The following SHMT2 variants were observed in gnomAD, a reference collection of about 807,000 sequenced individuals.
SHMT2 encodes serine hydroxymethyltransferase 2, also known as serine hydroxymethyltransferase, mitochondrial.
Under a neutral mutation model 59.6 loss-of-function variants are expected in SHMT2, and 38 were observed. The ratio of observed to expected loss-of-function variants is 0.64; its 90% CI spans 0.49 to 0.84. The LOEUF is 0.84. Among genes scored for constraint, SHMT2 ranks in the 40% least tolerant of loss-of-function variants. SHMT2 has a pLI of 0.00. For synonymous variants in SHMT2, 254 were observed against 258.1 expected (o/e 0.98, Z 0.15); for missense variants, 533 against 659.5 (o/e 0.81, Z 2.10).
chr12:57,231,262 C>A, intron 2 of SHMT2: 1 of 626,590 alleles, frequency 1.6e-6, no homozygotes, highest in Non-Finnish European at 2.8e-6. Flanking sequence ...AGCCTAGAAG[C>A]ACAAGTTTGA....
chr12:57,234,429 TAGAAA>T lies in SHMT2; in HGVS notation c.*69_*73del. 1 of 1,490,698 alleles carries T rather than the reference TAGAAA, an allele frequency of 6.7e-7. No homozygotes were observed. The highest frequency in any genetic ancestry group is 8.9e-7 in the Non-Finnish European group (1 of 1,118,062). The allele number at this position is 1,490,698 out of a possible 1,614,324, so 92.3% of individuals were successfully genotyped here. ...CTTCCCCCTACCTGGGCCAGTGAAATAGAAAGCCTTTCTATTTTTTGGTGCGGGAG... is the reference window on the plus strand; with the variant it reads ...CTTCCCCCTACCTGGGCCAGTGAAATGCCTTTCTATTTTTTGGTGCGGGAG... On this transcript the variant is annotated 3_prime_UTR_variant, in exon 12 of 12. Transcript: ENST00000328923.
In SHMT2 at chr12:57,231,443, G is replaced by A. The variant is rs555694592; in HGVS notation, c.232-38G>A. On this transcript the variant is annotated intron_variant, in intron 2 of 11. Coordinates refer to ENST00000328923, the MANE Select transcript of SHMT2 (RefSeq NM_005412.6). ...GGGACTGTGGGAGTCCAGGGGAAGG[G>A]GCTCAATACCTTCTGACATTGCCCC... is the stretch of plus-strand genomic sequence containing the variant. 6 of 1,605,350 alleles carry A rather than the reference G, an allele frequency of 3.7e-6. No individual in the cohort carries two copies. The South Asian group carries it at 6.7e-5, about 18-fold the overall frequency.
chr12:57,231,943 TGGC>T (rs1479227183), intron 4 of SHMT2, 30 bp downstream of exon 4: 17 of 1,582,210 alleles, frequency 1.1e-5, no homozygotes, highest in Non-Finnish European at 1.5e-5. Flanking sequence ...CTGATGGTCT[TGGC>T]GGCAGGATTG....
intron 1 of SHMT2, 189 bp from the exon 2 acceptor site, chr12:57,230,614 C>T (rs2037273110): frequency 6.9e-7 from 1 of 1,438,862 alleles, no homozygotes; most frequent in Admixed American, 2.7e-5. Flanking sequence ...TCAGAACCAC[C>T]CCTTGGACGT....
intron 6 of SHMT2, 43 bp downstream of exon 6, chr12:57,232,618 G>A: frequency 6.2e-7 from 1 of 1,613,166 alleles, no homozygotes; most frequent in African/African-American, 1.3e-5. Context: ...CCCAGGGGGT[G>A]GTGAGGAGGT....
In SHMT2 at chr12:57,233,674, G is replaced by T; in HGVS notation, c.1123+12G>T. 1 of 1,613,652 alleles carries T rather than the reference G, an allele frequency of 6.2e-7. No individual in the cohort carries two copies. The highest frequency in any genetic ancestry group is 8.5e-7 in the Non-Finnish European group (1 of 1,179,648). ...CTCACTGGTATCAGGTAAGCCAGCA[G>T]GTGATGGGTGAGGGCCTCTGTAGCT... On this transcript the variant is annotated intron_variant, in intron 9 of 11. Transcript: ENST00000328923.
intron 3 of SHMT2, 68 bp from the exon 4 acceptor site, chr12:57,231,645 C>A: frequency 6.2e-7 from 1 of 1,611,564 alleles, no homozygotes; most frequent in Non-Finnish European, 8.5e-7. Flanking sequence ...GAGGAGTGAA[C>A]TTCCCAGTCC....
rs757010542 is a variant in SHMT2 at position 57,230,952 on chromosome 12, G to C, written c.183G>C (p.Gln61His). Residue 61 changes from glutamine to histidine, a missense_variant, in exon 2 of 12, where the codon CAG becomes CAC. By Grantham distance (24) the Gln-to-His change is conservative (BLOSUM62 0). Transcript: ENST00000328923. ...DSDPEMWELL[Q>H]REKDRQCRGL... Reference sequence around the variant, plus strand: ...ATCCTGAGATGTGGGAGTTGCTGCAGAGGGAGAAGGACAGGCAGTGTCGTG... The same window carrying C: ...ATCCTGAGATGTGGGAGTTGCTGCACAGGGAGAAGGACAGGCAGTGTCGTG... 4 of 1,613,960 alleles carry C rather than the reference G, an allele frequency of 2.5e-6. No homozygotes were observed. In the East Asian group the frequency reaches 6.7e-5, roughly 27 times the overall value.
intron 1 of SHMT2, 63 bp downstream of exon 1, chr12:57,229,874 TC>T: frequency 6.2e-7 from 1 of 1,603,176 alleles, no homozygotes; most frequent in Non-Finnish European, 8.5e-7. Flanking sequence ...CTACCTTAGT[TC>T]CTAGTCACAA....
intron 7 of SHMT2, 44 bp downstream of exon 7, chr12:57,232,887 G>A (rs768017570): frequency 1.9e-6 from 3 of 1,585,892 alleles, no homozygotes; most frequent in East Asian, 4.5e-5. Flanking sequence ...CTGCCTTCAG[G>A]CCTATTCCTG....
At position 57,234,276 on chromosome 12, in the gene SHMT2, A is replaced by G. The variant is rs182091061; in HGVS notation, c.1430A>G (p.Glu477Gly). The G allele has an allele frequency of 4.3e-6, 7 of 1,613,858 alleles. No homozygotes were observed. The African/African-American group carries it at 5.3e-5, about 12-fold the overall frequency. Residue 477 changes from glutamate (E) to glycine (G), a missense_variant, in exon 12 of 12, where the codon GAA (glutamate) becomes GGA (glycine). Transcript: ENST00000328923. ...DFKSFLLKDS[E>G]TSQRLANLRQ... Reference sequence around the variant, plus strand: ...AAATCCTTCCTGCTTAAGGACTCAGAAACAAGTCAGCGTCTGGCCAACCTC... The same window carrying G: ...AAATCCTTCCTGCTTAAGGACTCAGGAACAAGTCAGCGTCTGGCCAACCTC...
At chr12:57,234,199 C>A (rs780146984) in intron 11 of SHMT2, 35 bp from the exon 12 acceptor site, 1 of 1,612,422 alleles carries the variant, frequency 6.2e-7, no homozygotes, top group East Asian at 2.2e-5. Flanking sequence ...TTCCCTAGAG[C>A]TCTGACCACT....
Position 57,230,900 on chromosome 12 carries a change from C to G in SHMT2, c.131C>G (p.Thr44Arg), listed in dbSNP as rs1292550437. ...ACTGGGGAAGCAAACAGGGGCTGGA[C>G]AGGCCAGGAGAGCCTGTCGGACAGT... ...TQTGEANRGWTGQESLSDSDP... is the reference protein window; with the variant it reads ...TQTGEANRGWRGQESLSDSDP... Residue 44 changes from threonine (T) to arginine (R), a missense_variant, in exon 2 of 12, where the codon ACA (threonine) becomes AGA (arginine). Thr to Arg is a moderately conservative substitution (Grantham distance 71, BLOSUM62 -1). Coordinates refer to ENST00000328923, the MANE Select transcript of SHMT2 (RefSeq NM_005412.6). The G allele has an allele frequency of 3.7e-6, 6 of 1,613,986 alleles. No individual in the cohort carries two copies. In the African/African-American group the frequency reaches 6.7e-5, roughly 18 times the overall value.
chr12:57,233,832 G>A lies in SHMT2; in HGVS notation c.1207G>A (p.Val403Ile), dbSNP rs773206427. ...TCGGGCTGAGCGGGTGCTAGAGCTT[G>A]TATCCATCACTGCCAACAAGAACAC... ...GARAERVLELVSITANKNTCP... is the reference protein window; with the variant it reads ...GARAERVLELISITANKNTCP... The change falls in exon 10 of 12, where the codon GTA becomes ATA. Residue 403 changes from valine to isoleucine, a missense_variant. Coordinates refer to ENST00000328923, the MANE Select transcript of SHMT2 (RefSeq NM_005412.6). The A allele has an allele frequency of 2.5e-6, 4 of 1,614,100 alleles. No individual in the cohort carries two copies. Among genetic ancestry groups the A allele is most frequent in the Non-Finnish European group, 3.4e-6 (4 of 1,180,048 alleles).
rs1051497716 is a variant in SHMT2, at chr12:57,234,718, C to G, written c.*357C>G. 3 of 176,742 alleles carry G rather than the reference C, an allele frequency of 1.7e-5. No homozygotes were observed. Among genetic ancestry groups the G allele is most frequent in the African/African-American group, 7.2e-5 (3 of 41,938 alleles). 10.9% of individuals were successfully genotyped at this position (176,742 alleles called of 1,614,324 possible). On this transcript the variant is annotated 3_prime_UTR_variant, in exon 12 of 12. Transcript: ENST00000328923. ...CTTCCTGTTTTTATCTAATAAAATG[C>G]TAACCTGCCCTGAGTTTCCATTACT...
Position 57,230,841 on chromosome 12 carries a change from T to C in SHMT2, c.72T>C (p.Ile24=). The C allele has an allele frequency of 1.2e-6, 2 of 1,614,104 alleles. No individual in the cohort carries two copies. Among genetic ancestry groups the C allele is most frequent in the Non-Finnish European group, 1.7e-6 (2 of 1,180,020 alleles). Residue 24 remains isoleucine, a synonymous_variant, in exon 2 of 12, where the codon ATT becomes ATC. Coordinates refer to ENST00000328923, the MANE Select transcript of SHMT2 (RefSeq NM_005412.6). ...QRCGQLVRMA[I]RAQHSNAAQT... ...GTGGGCAGCTGGTCAGGATGGCCATTCGGGCTCAGCACAGCAACGCAGCCC... is the reference window on the plus strand; with the variant it reads ...GTGGGCAGCTGGTCAGGATGGCCATCCGGGCTCAGCACAGCAACGCAGCCC...
intron 7 of SHMT2, 38 bp downstream of exon 7, chr12:57,232,881 C>G (rs746423796): frequency 6.3e-7 from 1 of 1,589,756 alleles, no homozygotes; most frequent in Non-Finnish European, 8.6e-7. Context: ...CTTTCCCTGC[C>G]TTCAGGCCTA....
intron 8 of SHMT2, 57 bp from the exon 9 acceptor site, chr12:57,233,506 G>C: frequency 6.4e-7 from 1 of 1,554,780 alleles, no homozygotes. Context: ...GGGCCAGAGG[G>C]TAGTGCAGGG....
At chr12:57,230,267 A>C (rs1036506009) in intron 1 of SHMT2, 31 of 1,192,826 alleles carry the variant, frequency 2.6e-5, no homozygotes, top group Non-Finnish European at 3.3e-5. Context: ...GTAAGGGGAA[A>C]GGGTATTGGC....
Sources: allele counts gnomAD v4.1 joint callset, GRCh38; gene constraint gnomAD v4.1.1; transcripts MANE v1.5; gene names NCBI Gene and HGNC (gene_info 2026-07-23, HGNC 2026-07-21).